Variants in PLCXD3 observed in about 807,000 individuals in gnomAD.
PLCXD3 encodes PI-PLC X domain-containing protein 3.
A neutral mutation model predicts 25.5 loss-of-function variants in PLCXD3; 19 were observed. That is an observed-to-expected ratio of 0.75 (90% CI 0.52 to 1.09). The LOEUF (loss-of-function observed/expected upper bound fraction) is 1.09. Among genes scored for constraint, PLCXD3 ranks in the 50% least tolerant of loss-of-function variants. The pLI, the probability that PLCXD3 is intolerant of heterozygous loss-of-function variation, is 0.00. For synonymous variants in PLCXD3, 174 were observed against 137.6 expected (o/e 1.26, Z -1.85); for missense variants, 411 against 388.1 (o/e 1.06, Z -0.50).
At chr5:41,400,994 T>G (rs1036180041) in intron 1 of PLCXD3, among the ~76,000 whole-genome samples, 1 of 54,514 alleles carries the variant, frequency 1.8e-5, no homozygotes, top group African/African-American at 8.9e-5. Flanking sequence ...CATGAAAATT[T>G]TAAAAAGCTA....
chr5:41,343,799 C>A (rs1744225667), intron 2 of PLCXD3, among the ~76,000 whole-genome samples: 1 of 152,132 alleles, frequency 6.6e-6, no homozygotes, highest in Admixed American at 6.5e-5. Flanking sequence ...CATATTAAAA[C>A]ATTTTTTTCC....
chr5:41,416,386 T>A (rs1746695721), intron 1 of PLCXD3, among the ~76,000 whole-genome samples: 1 of 152,220 alleles, frequency 6.6e-6, no homozygotes, highest in South Asian at 2.1e-4. Context: ...TAAGTTTAAC[T>A]GACTGAAAGC....
intron 1 of PLCXD3, among the ~76,000 whole-genome samples, chr5:41,490,651 G>A (rs1183002208): frequency 1.3e-5 from 2 of 152,070 alleles, no homozygotes; most frequent in Non-Finnish European, 2.9e-5. Flanking sequence ...CTTCTTCCTT[G>A]TTTAGTCTTG....
chr5:41,403,942 A>G (rs1746278124), intron 1 of PLCXD3, among the ~76,000 whole-genome samples: 1 of 152,120 alleles, frequency 6.6e-6, no homozygotes, highest in Admixed American at 6.6e-5. Context: ...CCTAAATAAA[A>G]CATCTTGATA....
intron 1 of PLCXD3, among the ~76,000 whole-genome samples, chr5:41,393,716 G>A (rs1335428168): frequency 1.3e-5 from 2 of 151,934 alleles, no homozygotes; most frequent in Non-Finnish European, 2.9e-5. Context: ...TCAGGAGATC[G>A]AGACCATCCT....
chr5:41,456,619 T>C (rs1258015063), intron 1 of PLCXD3: 1 of 716,180 alleles, frequency 1.4e-6, no homozygotes, highest in Non-Finnish European at 1.7e-6. Context: ...TGAAATCTGT[T>C]CCCTAATGTG....
intron 1 of PLCXD3, among the ~76,000 whole-genome samples, chr5:41,490,146 T>G (rs371005259): frequency 0.011 from 1,702 of 152,156 alleles, 27 homozygotes; most frequent in African/African-American, 0.038. Context: ...TAGCATGAAG[T>G]GTTGTTGAAT....
intron 2 of PLCXD3, among the ~76,000 whole-genome samples, chr5:41,340,715 T>A (rs1744115958): frequency 6.6e-6 from 1 of 152,190 alleles, no homozygotes; most frequent in African/African-American, 2.4e-5. Context: ...ATAGTGCTAT[T>A]TTCAAGTGAA....
chr5:41,433,388 T>G (rs970139339), intron 1 of PLCXD3, among the ~76,000 whole-genome samples: 1 of 152,202 alleles, frequency 6.6e-6, no homozygotes, highest in Non-Finnish European at 1.5e-5. Context: ...CTTGCCCCTT[T>G]TTTTTCTATT....
intron 1 of PLCXD3, among the ~76,000 whole-genome samples, chr5:41,510,001 C>G (rs1300439630): frequency 6.6e-6 from 1 of 152,232 alleles, no homozygotes; most frequent in Non-Finnish European, 1.5e-5. Context: ...GGGATAGACT[C>G]AGGTCCTTGC....
At chr5:41,422,472 A>G (rs189954450) in intron 1 of PLCXD3, among the ~76,000 whole-genome samples, 1 of 152,172 alleles carries the variant, frequency 6.6e-6, no homozygotes, top group South Asian at 2.1e-4. Flanking sequence ...CCTTAGTCCA[A>G]ATTGCCTTGG....
chr5:41,380,839 A>G lies in PLCXD3; in HGVS notation c.812+987T>C, dbSNP rs141896678. Reference sequence around the variant, plus strand: ...ATTGTTTAATATTTTAACTCAAAAGAATAAATAATATGTACAATTCAGTAT... The same window carrying G: ...ATTGTTTAATATTTTAACTCAAAAGGATAAATAATATGTACAATTCAGTAT... On this transcript the variant is annotated intron_variant, in intron 2 of 2. Coordinates refer to ENST00000377801, the MANE Select transcript of PLCXD3 (RefSeq NM_001005473.3). Among the ~76,000 whole-genome samples the G allele has an allele frequency of 7.9e-3, 1,208 of 152,286 alleles. 10 individuals carry two copies. The highest frequency in any genetic ancestry group is 0.027 in the African/African-American group (1,106 of 41,572).
chr5:41,477,089 C>T (rs1748299424), intron 1 of PLCXD3, among the ~76,000 whole-genome samples: 1 of 152,088 alleles, frequency 6.6e-6, no homozygotes, highest in South Asian at 2.1e-4. Flanking sequence ...TGAAAAAATT[C>T]CCTTAATCTC....
At chr5:41,497,830 C>T (rs1200706716) in intron 1 of PLCXD3, among the ~76,000 whole-genome samples, 1 of 151,794 alleles carries the variant, frequency 6.6e-6, no homozygotes, top group Non-Finnish European at 1.5e-5. Context: ...TACCAAGTAT[C>T]CTTCAAGTAT....
intron 1 of PLCXD3, among the ~76,000 whole-genome samples, chr5:41,468,234 T>C (rs2150519150): frequency 6.6e-6 from 1 of 152,090 alleles, no homozygotes; most frequent in South Asian, 2.1e-4. Context: ...GCTAGGTTAG[T>C]CTCAAATTCC....
intron 1 of PLCXD3, among the ~76,000 whole-genome samples, chr5:41,484,156 A>G (rs1748469059): frequency 6.6e-6 from 1 of 152,074 alleles, no homozygotes; most frequent in Non-Finnish European, 1.5e-5. Flanking sequence ...GGCCGCAGCT[A>G]TATGTATGAT....
chr5:41,386,131 C>T (rs371728816), intron 1 of PLCXD3, among the ~76,000 whole-genome samples: 14 of 152,008 alleles, frequency 9.2e-5, no homozygotes. Flanking sequence ...GGCCAATAGA[C>T]CCAACTGGCT....
Position 41,480,285 on chromosome 5 carries a change from T to C in PLCXD3, c.103+30139A>G, listed in dbSNP as rs867764853. Among the ~76,000 whole-genome samples, 4 of 152,128 alleles carry C rather than the reference T, an allele frequency of 2.6e-5. No individual in the cohort carries two copies. The South Asian group carries it at 6.2e-4, about 24-fold the overall frequency. On this transcript the variant is annotated intron_variant, in intron 1 of 2. Coordinates refer to ENST00000377801, the MANE Select transcript of PLCXD3 (RefSeq NM_001005473.3). ...GGTCAAGGACCAATGAGTCACCCAT[T>C]GAGAGGCTCTCTGAGCTCCAGGACA...
chr5:41,410,376 C>T (rs934466534), intron 1 of PLCXD3, among the ~76,000 whole-genome samples: 1 of 151,950 alleles, frequency 6.6e-6, no homozygotes, highest in African/African-American at 2.4e-5. Flanking sequence ...ATCTCCTGAC[C>T]TCGTGATCTG....
Sources: allele counts gnomAD v4.1 joint callset (sites outside exome capture counted in the v4.1 genomes callset), GRCh38; gene constraint gnomAD v4.1.1; transcripts MANE v1.5; gene names NCBI Gene and HGNC (gene_info 2026-07-23, HGNC 2026-07-21).